Variants in MAP3K4 observed in about 807,000 individuals in gnomAD.
MAP3K4 encodes mitogen-activated protein kinase kinase kinase 4.
Under a neutral mutation model 185.6 loss-of-function variants are expected in MAP3K4, and 67 were observed. The observed-to-expected ratio is 0.36, with a 90% confidence interval of 0.30 to 0.44. The LOEUF is 0.44. Among genes scored for constraint, MAP3K4 ranks in the 20% least tolerant of loss-of-function variants. The pLI is 1.00. For missense variants in MAP3K4, 1,551 were observed against 1,995.1 expected (o/e 0.78, Z 4.24); for synonymous variants, 702 against 710.4 (o/e 0.99, Z 0.19).
chr6:161,028,669 T>TA (rs1031848489), intron 1 of MAP3K4, among the ~76,000 whole-genome samples: 1 of 152,080 alleles, frequency 6.6e-6, no homozygotes, highest in Non-Finnish European at 1.5e-5. Context: ...TTTTTTTTTT[T>TA]AAATCTACAT....
At chr6:160,997,485 A>T (rs1003281653) in intron 1 of MAP3K4, among the ~76,000 whole-genome samples, 1 of 152,238 alleles carries the variant, frequency 6.6e-6, no homozygotes, top group Non-Finnish European at 1.5e-5. Context: ...GTTTAGTGAC[A>T]TGTGAAGATG....
chr6:161,078,380 C>T (rs753734018), intron 5 of MAP3K4, among the ~76,000 whole-genome samples: 78 of 152,100 alleles, frequency 5.1e-4, no homozygotes, highest in Non-Finnish European at 7.3e-4. Flanking sequence ...GCAGCGGGGA[C>T]GCCAGCATGC....
In MAP3K4 at chr6:161,073,634, T is replaced by A. The variant is rs1785046243; in HGVS notation, c.2097+22T>A. ...TATGGTCAGAAGCAGTGGGGAGGAATTTTTCTTTCTTTCTTTGTTTCTTTT... is the reference window on the plus strand; with the variant it reads ...TATGGTCAGAAGCAGTGGGGAGGAAATTTTCTTTCTTTCTTTGTTTCTTTT... On this transcript the variant is annotated intron_variant, in intron 5 of 26. Transcript: ENST00000392142. This position sits in a 1 kb window ranked among gnomAD's most constrained non-coding sequence, Gnocchi z 4.2. The A allele has an allele frequency of 6.3e-7, 1 of 1,586,944 alleles. No homozygotes were observed. The highest frequency in any genetic ancestry group is 8.6e-7 in the Non-Finnish European group (1 of 1,168,714).
chr6:161,044,152 GTTTGC>G (rs1783614398), intron 2 of MAP3K4, among the ~76,000 whole-genome samples: 1 of 152,056 alleles, frequency 6.6e-6, no homozygotes, highest in Non-Finnish European at 1.5e-5. Context: ...TGTTCCAGAG[GTTTGC>G]TTTAATTGTG....
Position 161,043,630 on chromosome 6 carries a change from A to C in MAP3K4, c.344-4986A>C, listed in dbSNP as rs1783591079. On this transcript the variant is annotated intron_variant, in intron 2 of 26. Coordinates refer to ENST00000392142, the MANE Select transcript of MAP3K4 (RefSeq NM_005922.4). The surrounding 1 kb of genome is among the most constrained non-coding windows in gnomAD (Gnocchi z 4.3). ...ATGTCTGTGAAGCCCTTACCTGGAA[A>C]ATGGAAGCTGGATAAAGCAATTTCT... Among the ~76,000 whole-genome samples the C allele has an allele frequency of 6.6e-6, 1 of 152,190 alleles. No homozygotes were observed.
intron 1 of MAP3K4, among the ~76,000 whole-genome samples, chr6:161,016,874 A>G (rs1782141327): frequency 6.6e-6 from 1 of 152,138 alleles, no homozygotes; most frequent in South Asian, 2.1e-4. Context: ...GCTTTTTGTA[A>G]ATATTTATTG....
chr6:161,102,854 G>T, intron 19 of MAP3K4, 75 bp downstream of exon 19: 2 of 1,000,388 alleles, frequency 2.0e-6, no homozygotes, highest in East Asian at 2.7e-5. Flanking sequence ...AGCAGTTTCA[G>T]GTAAAACTTG....
intron 3 of MAP3K4, among the ~76,000 whole-genome samples, chr6:161,055,078 G>T (rs1336764166): frequency 6.6e-6 from 1 of 152,136 alleles, no homozygotes; most frequent in Non-Finnish European, 1.5e-5. Flanking sequence ...TTGGGTCTTA[G>T]GGATGAATGT....
Position 161,070,228 on chromosome 6 carries a change from T to TG in MAP3K4, c.1708-378dup, listed in dbSNP as rs1784876623. 6.6e-6 allele frequency among the ~76,000 whole-genome samples: 1 copy of TG among 151,294 alleles called. No homozygotes were observed. Among genetic ancestry groups the TG allele is most frequent in the African/African-American group, 2.4e-5 (1 of 41,082 alleles). On this transcript the variant is annotated intron_variant, in intron 3 of 26. Coordinates refer to ENST00000392142, the MANE Select transcript of MAP3K4 (RefSeq NM_005922.4). This position sits in a 1 kb window ranked among gnomAD's most constrained non-coding sequence, Gnocchi z 4.5. ...GTTTTCTCTAATTTCAGTAATTCTC[T>TG]GGTTTTTTTCCCAGTCTAGAGATAG...
At position 161,049,285 on chromosome 6, in the gene MAP3K4, C is replaced by T. The variant is rs561816464; in HGVS notation, c.1013C>T (p.Ser338Leu). Residue 338 changes from serine (S) to leucine (L), a missense_variant, in exon 3 of 27, where the codon TCA (serine) becomes TTA (leucine). Physicochemically the swap from Ser to Leu is moderately radical, Grantham distance 145. This residue lies in a region of MAP3K4 where 93 missense variants were observed against 96.7 expected (regional missense o/e 0.96). Coordinates refer to ENST00000392142, the MANE Select transcript of MAP3K4 (RefSeq NM_005922.4). This position sits in a 1 kb window ranked among gnomAD's most constrained non-coding sequence, Gnocchi z 8.4. Reference protein sequence around the residue: ...ATPGTKIVGYSTHHEHLQRQR... With the variant: ...ATPGTKIVGYLTHHEHLQRQR... ...CCTGGAACAAAGATTGTAGGTTACTCAACACATCATGAGCATCTCCAACGC... is the reference window on the plus strand; with the variant it reads ...CCTGGAACAAAGATTGTAGGTTACTTAACACATCATGAGCATCTCCAACGC... The T allele has an allele frequency of 1.2e-5, 20 of 1,614,082 alleles. No individual in the cohort carries two copies. In the South Asian group the frequency reaches 1.9e-4, roughly 15 times the overall value.
rs577759260 is a variant in MAP3K4 at position 161,009,122 on chromosome 6, C to T, written c.152+17039C>T. ...GCTTCAGCATCCCTAGTAGCTGGGA[C>T]TACAGGTGCGCGCCACCACGCCCAG... On this transcript the variant is annotated intron_variant, in intron 1 of 26. Coordinates refer to ENST00000392142, the MANE Select transcript of MAP3K4 (RefSeq NM_005922.4). Among the ~76,000 whole-genome samples, 9 of 151,892 alleles carry T rather than the reference C, an allele frequency of 5.9e-5. No homozygotes were observed. The East Asian group carries it at 1.5e-3, about 26-fold the overall frequency.
At chr6:161,068,847 A>G (rs1370845976) in intron 3 of MAP3K4, among the ~76,000 whole-genome samples, 2 of 152,354 alleles carry the variant, frequency 1.3e-5, no homozygotes, top group East Asian at 3.9e-4. Flanking sequence ...GAAACAGGGA[A>G]TCATCTTGAA....
At position 161,086,503 on chromosome 6, in the gene MAP3K4, A is replaced by T. The variant is rs746203602; in HGVS notation, c.2472+25A>T. The T allele has an allele frequency of 1.2e-6, 2 of 1,603,886 alleles. No homozygotes were observed. The highest frequency in any genetic ancestry group is 2.2e-5 in the East Asian group (1 of 44,806). The stretch of plus-strand genomic sequence containing the variant: ...GGTGAGCTTGCAATCCTGATTAATT[A>T]GTACCTTTTTTCTTGTTTTTCTTTT... On this transcript the variant is annotated intron_variant, in intron 8 of 26. Coordinates refer to ENST00000392142, the MANE Select transcript of MAP3K4 (RefSeq NM_005922.4). This position sits in a 1 kb window ranked among gnomAD's most constrained non-coding sequence, Gnocchi z 4.8.
At chr6:161,013,717 C>T (rs958933982) in intron 1 of MAP3K4, among the ~76,000 whole-genome samples, 2 of 152,224 alleles carry the variant, frequency 1.3e-5, no homozygotes, top group African/African-American at 4.8e-5. Context: ...AGGGCTGCCC[C>T]GTAGGCCAAG....
chr6:161,087,568 A>G lies in MAP3K4; in HGVS notation c.2557-120A>G, dbSNP rs1785794771. 3.7e-5 allele frequency: 37 copies of G among 1,005,956 alleles called. 1 individual carries two copies. The South Asian group carries it at 4.9e-4, about 13-fold the overall frequency. 62.3% of individuals were successfully genotyped at this position (1,005,956 alleles called of 1,614,324 possible). A position where few individuals can be genotyped will look rare whatever the true frequency, so the allele number is the denominator to read the frequency against. ...TACCTGCAGTTCCCTCACTGCTCCAATTCATGCCCTTCCCACTTTCCCTTT... is the reference window on the plus strand; with the variant it reads ...TACCTGCAGTTCCCTCACTGCTCCAGTTCATGCCCTTCCCACTTTCCCTTT... On this transcript the variant is annotated intron_variant, in intron 9 of 26. Coordinates refer to ENST00000392142, the MANE Select transcript of MAP3K4 (RefSeq NM_005922.4). The surrounding 1 kb of genome is among the most constrained non-coding windows in gnomAD (Gnocchi z 4.9).
At position 161,097,534 on chromosome 6, in the gene MAP3K4, A is replaced by G. The variant is rs1378231614; in HGVS notation, c.3524+358A>G. On this transcript the variant is annotated intron_variant, in intron 16 of 26. Transcript: ENST00000392142. This position sits in a 1 kb window ranked among gnomAD's most constrained non-coding sequence, Gnocchi z 4.9. ...TAGTCAACATTTGAAAACATACTAA[A>G]TATCACTAAAAGTGGAGAAAAACTG... is the stretch of plus-strand genomic sequence containing the variant. Among the ~76,000 whole-genome samples the G allele has an allele frequency of 6.6e-6, 1 of 152,232 alleles. No homozygotes were observed. Among genetic ancestry groups the G allele is most frequent in the African/African-American group, 2.4e-5 (1 of 41,468 alleles).
chr6:161,067,354 T>C lies in MAP3K4; in HGVS notation c.1708-3254T>C. ...AATTTCTGATTAGCTTCCTTATGCA[T>C]CGATCTCAGTGAGCAGAGGGAACAG... On this transcript the variant is annotated intron_variant, in intron 3 of 26. Coordinates refer to ENST00000392142, the MANE Select transcript of MAP3K4 (RefSeq NM_005922.4). This position sits in a 1 kb window ranked among gnomAD's most constrained non-coding sequence, Gnocchi z 6.3. 2.7e-6 allele frequency: 1 copy of C among 369,018 alleles called. No homozygotes were observed. The highest frequency in any genetic ancestry group is 5.5e-6 in the Non-Finnish European group (1 of 181,814). The allele number at this position is 369,018 out of a possible 1,614,324, so 22.9% of individuals were successfully genotyped here. A position where few individuals can be genotyped will look rare whatever the true frequency, so the allele number is the denominator to read the frequency against.
intron 1 of MAP3K4, among the ~76,000 whole-genome samples, chr6:160,995,479 G>T (rs560114650): frequency 6.6e-6 from 1 of 152,316 alleles, no homozygotes; most frequent in East Asian, 1.9e-4. Context: ...GGTGCAGCCA[G>T]CCCAGCACAT....
In MAP3K4 at chr6:161,067,732, A is replaced by G. The variant is rs188866391; in HGVS notation, c.1708-2876A>G. ...ATAGACTAAACGTCTGTGTTTTAAG[A>G]GACAAGAATTTTTTCCTTTCAGACG... is the stretch of plus-strand genomic sequence containing the variant. On this transcript the variant is annotated intron_variant, in intron 3 of 26. Transcript: ENST00000392142. This position sits in a 1 kb window ranked among gnomAD's most constrained non-coding sequence, Gnocchi z 6.3. Among the ~76,000 whole-genome samples, 2 of 152,354 alleles carry G rather than the reference A, an allele frequency of 1.3e-5. No homozygotes were observed. The highest frequency in any genetic ancestry group is 1.3e-4 in the Admixed American group (2 of 15,312).
Sources: gnomAD v4.1 joint callset for allele counts (sites outside exome capture counted in the v4.1 genomes callset) on GRCh38, gnomAD v4.1.1 for gene constraint, gnomAD v4.1.1 regional missense constraint, Gnocchi (gnomAD v3.1) non-coding constraint, MANE v1.5 for transcripts, NCBI Gene and HGNC (gene_info 2026-07-23, HGNC 2026-07-21) for gene names.